Variants in SLC4A5 observed in about 807,000 individuals in gnomAD.
SLC4A5 encodes solute carrier family 4 member 5.
SLC4A5 carries 96 observed loss-of-function variants against 120.4 expected under a neutral mutation model. The ratio of observed to expected loss-of-function variants is 0.80; its 90% confidence interval spans 0.68 to 0.94. The LOEUF is 0.94. SLC4A5 is among the 40% of genes least tolerant of loss of function. SLC4A5 has a pLI of 0.00. For synonymous variants in SLC4A5, 550 were observed against 571.1 expected, an observed-to-expected ratio of 0.96 and a Z score of 0.53; for missense variants, 1,259 against 1,459.5, an observed-to-expected ratio of 0.86 and a Z score of 2.24.
intron 11 of SLC4A5, among the ~76,000 whole-genome samples, chr2:74,261,032 A>C (rs61362363): frequency 0.11 from 16,306 of 151,762 alleles, 991 homozygotes; most frequent in East Asian, 0.27. Flanking sequence ...CTCCTGGAAA[A>C]CTTCTATTTA....
intron 27 of SLC4A5, among the ~76,000 whole-genome samples, chr2:74,226,034 G>T (rs879861): frequency 6.6e-6 from 1 of 152,102 alleles, no homozygotes; most frequent in African/African-American, 2.4e-5. Flanking sequence ...TGAGGGCACT[G>T]GGGGGAGGAT....
At chr2:74,220,207 T>A (rs1460920707) in intron 30 of SLC4A5, among the ~76,000 whole-genome samples, 1 of 152,228 alleles carries the variant, frequency 6.6e-6, no homozygotes, top group Non-Finnish European at 1.5e-5. Context: ...GCCCCCACTA[T>A]GTCATCATCA....
chr2:74,306,855 T>C (rs1373595336), intron 6 of SLC4A5: 3 of 642,702 alleles, frequency 4.7e-6, no homozygotes, highest in East Asian at 3.6e-5. Flanking sequence ...ATTGAAGTCC[T>C]TGCCATCTTC....
At position 74,299,069 on chromosome 2, in the gene SLC4A5, C is replaced by T. The variant is rs577584913; in HGVS notation, c.271+5420G>A. ...TGTTCTCATGATAGTGAATAAATCT[C>T]GCCAGGCGCAGTGGCTCATGCCTGT... On this transcript the variant is annotated intron_variant, in intron 7 of 30. Coordinates refer to ENST00000394019, the Ensembl canonical transcript of SLC4A5. Among the ~76,000 whole-genome samples, 5 of 152,154 alleles carry T rather than the reference C, an allele frequency of 3.3e-5. No individual in the cohort carries two copies. In the East Asian group the frequency reaches 7.7e-4, roughly 24 times the overall value.
intron 12 of SLC4A5, among the ~76,000 whole-genome samples, chr2:74,258,701 T>C (rs1007163420): frequency 2.0e-5 from 3 of 152,236 alleles, no homozygotes; most frequent in African/African-American, 7.2e-5. Flanking sequence ...ATGAAAATAG[T>C]GCCTTTGTGA....
chr2:74,287,502 G>T (rs953463994), intron 7 of SLC4A5, among the ~76,000 whole-genome samples: 5 of 152,192 alleles, frequency 3.3e-5, no homozygotes, highest in African/African-American at 1.2e-4. Flanking sequence ...GGGCTTGGAA[G>T]GTAACAGCTG....
exon 9 of SLC4A5, chr2:74,265,210 G>A (rs1322132276): frequency 1.9e-6 from 3 of 1,614,086 alleles, no homozygotes; most frequent in Middle Eastern, 1.6e-4. Flanking sequence ...TGGACACGTG[G>A]GGCTTGCTCC....
chr2:74,331,791 C>G (rs146193441), intron 4 of SLC4A5, among the ~76,000 whole-genome samples: 1 of 152,150 alleles, frequency 6.6e-6, no homozygotes. Flanking sequence ...ACTTACTGCT[C>G]TACCTCTAAA....
At chr2:74,248,662 A>G (rs1670696063) in intron 17 of SLC4A5, among the ~76,000 whole-genome samples, 176 bp from the exon 18 acceptor site, 1 of 152,152 alleles carries the variant, frequency 6.6e-6, no homozygotes, top group Non-Finnish European at 1.5e-5. Flanking sequence ...ACTTGCCACC[A>G]TGGCCATTGT....
intron 4 of SLC4A5, among the ~76,000 whole-genome samples, chr2:74,330,978 AGG>A (rs1673351541): frequency 6.8e-6 from 1 of 147,582 alleles, no homozygotes; most frequent in Non-Finnish European, 1.5e-5. Context: ...GGTGGTGGTG[AGG>A]TCTAGATGGA....
intron 2 of SLC4A5, among the ~76,000 whole-genome samples, chr2:74,340,274 T>C (rs551914195): frequency 6.6e-6 from 1 of 152,234 alleles, no homozygotes; most frequent in Non-Finnish European, 1.5e-5. Context: ...CTATGTTAAA[T>C]GTAGATTAAT....
At chr2:74,222,820 A>G in intron 29 of SLC4A5, 48 bp downstream of exon 29, 1 of 1,479,438 alleles carries the variant, frequency 6.8e-7, no homozygotes, top group Non-Finnish European at 9.5e-7. Flanking sequence ...GGGGAAAGAC[A>G]TGGAGGACTA....
intron 6 of SLC4A5, among the ~76,000 whole-genome samples, chr2:74,313,332 G>A (rs930106914): frequency 6.6e-6 from 1 of 152,018 alleles, no homozygotes; most frequent in Admixed American, 6.6e-5. Flanking sequence ...TTCAAATAAC[G>A]CTATACTGTT....
At chr2:74,309,776 G>C (rs1278041408) in intron 6 of SLC4A5, among the ~76,000 whole-genome samples, 7 of 151,468 alleles carry the variant, frequency 4.6e-5, no homozygotes, top group Non-Finnish European at 8.8e-5. Flanking sequence ...CTGCCTCAGG[G>C]TCCTGAGTAA....
At chr2:74,251,803 C>T (rs1001925584) in intron 16 of SLC4A5, among the ~76,000 whole-genome samples, 10 of 152,174 alleles carry the variant, frequency 6.6e-5, no homozygotes, top group African/African-American at 2.4e-4. Flanking sequence ...CCACCTGGAG[C>T]CTCAGGGAGC....
chr2:74,340,630 G>C (rs1220987477), intron 2 of SLC4A5, among the ~76,000 whole-genome samples: 1 of 152,180 alleles, frequency 6.6e-6, no homozygotes, highest in East Asian at 1.9e-4. Flanking sequence ...GGGAGTAACA[G>C]AGGAGTTACA....
intron 6 of SLC4A5, chr2:74,307,818 G>GC: frequency 2.9e-6 from 1 of 340,298 alleles, no homozygotes. Context: ...CCATCCCCAT[G>GC]CCAGGCCCCC....
chr2:74,309,667 T>C (rs958796918), intron 6 of SLC4A5, among the ~76,000 whole-genome samples: 1 of 151,794 alleles, frequency 6.6e-6, no homozygotes, highest in African/African-American at 2.4e-5. Flanking sequence ...TTTTTTTTTT[T>C]TTTTTTGAGA....
intron 2 of SLC4A5, among the ~76,000 whole-genome samples, chr2:74,341,599 G>A (rs1482527386): frequency 1.3e-5 from 2 of 152,312 alleles, no homozygotes; most frequent in East Asian, 1.9e-4. Context: ...CTGACCAAGA[G>A]GGACTGCCCC....
Sources: gnomAD v4.1 joint callset for allele counts (sites outside exome capture counted in the v4.1 genomes callset) on GRCh38, gnomAD v4.1.1 for gene constraint, MANE v1.5 for transcripts, NCBI Gene and HGNC (gene_info 2026-07-23, HGNC 2026-07-21) for gene names.